FRYL: variants seen among roughly 807,000 people sequenced by gnomAD.
FRYL encodes the protein protein furry homolog-like.
A neutral mutation model predicts 351.2 loss-of-function variants in FRYL; 150 were observed. The ratio of observed to expected loss-of-function variants is 0.43; its 90% CI spans 0.37 to 0.49. The LOEUF is 0.49. FRYL is among the 20% of genes least tolerant of loss of function. The probability of loss-of-function intolerance (pLI) is 0.00; values close to 1 mark genes in which losing one functional copy is unlikely to be tolerated. For missense variants in FRYL, 3,036 were observed against 3,619.3 expected, an observed-to-expected ratio of 0.84 and a Z score of 4.13; for synonymous variants, 1,153 against 1,257.1, an observed-to-expected ratio of 0.92 and a Z score of 1.75.
At chr4:48,646,060 G>A (rs1177474178) in intron 3 of FRYL, 2 of 152,088 alleles carry the variant, frequency 1.3e-5, no homozygotes, top group Admixed American at 1.3e-4. Context: ...CCAAAATCAT[G>A]TAAAGCTTAT....
chr4:48,780,096 C>A lies in FRYL; in HGVS notation c.-402G>T. On this transcript the variant is annotated 5_prime_UTR_variant, in exon 1 of 64. Coordinates refer to ENST00000358350, the MANE Select transcript of FRYL (RefSeq NM_015030.2). ...CACCTACCCGTTCCCAGTCCTAGTA[C>A]AGCTGCCTCGCTCCTCCAGCGCCGC... The A allele has an allele frequency of 6.5e-6, 1 of 154,080 alleles. No homozygotes were observed. The highest frequency in any genetic ancestry group is 1.4e-5 in the Non-Finnish European group (1 of 69,324). The allele number at this position is 154,080 out of a possible 1,614,324, so 9.5% of individuals were successfully genotyped here. A position where few individuals can be genotyped will look rare whatever the true frequency, so the allele number is the denominator to read the frequency against.
chr4:48,651,266 A>G, intron 3 of FRYL, among the ~76,000 whole-genome samples: 1 of 133,122 alleles, frequency 7.5e-6, no homozygotes, highest in African/African-American at 3.0e-5. Flanking sequence ...GTGTAGTGGT[A>G]GAAACAGGAT....
intron 1 of FRYL, among the ~76,000 whole-genome samples, chr4:48,729,224 G>A (rs1770446586): frequency 6.6e-6 from 1 of 152,222 alleles, no homozygotes; most frequent in South Asian, 2.1e-4. Context: ...TGTAAACAAA[G>A]TGGCAAGGAA....
At position 48,522,988 on chromosome 4, in the gene FRYL, C is replaced by G. The variant is rs768839718; in HGVS notation, c.7434G>C (p.Leu2478=). Residue 2478 remains leucine, a synonymous_variant, in exon 54 of 64, where the codon CTG becomes CTC. Coordinates refer to ENST00000358350, the MANE Select transcript of FRYL (RefSeq NM_015030.2). ...CTGTATCCTCCTGATTGGTGAGGTT[C>G]AGGCTGGGGGTGCTACTAGAGCACT... is the stretch of plus-strand genomic sequence containing the variant. ...EYQCSSSTPS[L]NLTNQEDTDE... The G allele has an allele frequency of 4.3e-6, 7 of 1,613,988 alleles. No homozygotes were observed. The highest frequency in any genetic ancestry group is 4.2e-6 in the Non-Finnish European group (5 of 1,179,934).
At chr4:48,674,598 G>A (rs1763249750) in intron 3 of FRYL, among the ~76,000 whole-genome samples, 1 of 151,676 alleles carries the variant, frequency 6.6e-6, no homozygotes, top group Non-Finnish European at 1.5e-5. Context: ...TTAGCCGGGC[G>A]TGGTGGCGGG....
chr4:48,600,764 A>G (rs1025833680), intron 13 of FRYL, among the ~76,000 whole-genome samples: 22 of 152,200 alleles, frequency 1.4e-4, no homozygotes, highest in African/African-American at 4.1e-4. Context: ...TTTGGTCCCT[A>G]TATCTGTACA....
intron 1 of FRYL, among the ~76,000 whole-genome samples, chr4:48,745,452 A>C (rs1177123630): frequency 6.6e-6 from 1 of 152,196 alleles, no homozygotes; most frequent in Admixed American, 6.5e-5. Context: ...TGTCCTTTGT[A>C]GGGACATGGA....
At chr4:48,558,278 G>A (rs1267502998) in intron 33 of FRYL, among the ~76,000 whole-genome samples, 7 of 152,190 alleles carry the variant, frequency 4.6e-5, no homozygotes, top group East Asian at 1.9e-4. Context: ...ATGCCACAAC[G>A]GGGCTGAAGC....
chr4:48,764,530 C>CAAA (rs199626199), intron 1 of FRYL, among the ~76,000 whole-genome samples: 2 of 100,284 alleles, frequency 2.0e-5, no homozygotes, highest in Non-Finnish European at 4.2e-5. Context: ...GACTCTGTTT[C>CAAA]AAAAAAAAAG....
intron 2 of FRYL, among the ~76,000 whole-genome samples, chr4:48,708,622 C>T (rs895203973): frequency 3.3e-5 from 5 of 152,158 alleles, no homozygotes; most frequent in African/African-American, 1.2e-4. Flanking sequence ...AGATTATAAA[C>T]AATCCATTCA....
intron 1 of FRYL, among the ~76,000 whole-genome samples, chr4:48,770,272 T>A (rs1294679302): frequency 6.6e-5 from 10 of 151,194 alleles, no homozygotes; most frequent in South Asian, 4.2e-4. Flanking sequence ...CTTCAAAATT[T>A]AAAAAAAAAT....
chr4:48,718,653 C>T (rs1769135087), intron 1 of FRYL, among the ~76,000 whole-genome samples: 1 of 151,500 alleles, frequency 6.6e-6, no homozygotes, highest in Non-Finnish European at 1.5e-5. Context: ...TCTCTACAGA[C>T]ACCTTCAACT....
Position 48,499,265 on chromosome 4 carries a change from C to T in FRYL, c.*157G>A. ...TAAAATATCAGATGTTTTTTTCTTT[C>T]AGATCTTTGTTTTTGATGATACAGT... On this transcript the variant is annotated 3_prime_UTR_variant, in exon 64 of 64. Transcript: ENST00000358350. 3 of 631,676 alleles carry T rather than the reference C, an allele frequency of 4.7e-6. No individual in the cohort carries two copies. The highest frequency in any genetic ancestry group is 2.1e-5 in the South Asian group (1 of 46,896). The allele number at this position is 631,676 out of a possible 1,614,324, so 39.1% of individuals were successfully genotyped here. A position where few individuals can be genotyped will look rare whatever the true frequency, so the allele number is the denominator to read the frequency against.
intron 2 of FRYL, among the ~76,000 whole-genome samples, chr4:48,704,135 A>G (rs2149580352): frequency 6.6e-6 from 1 of 152,360 alleles, no homozygotes; most frequent in East Asian, 1.9e-4. Flanking sequence ...GCCAGTTGAA[A>G]GCAGAACAGA....
intron 53 of FRYL, among the ~76,000 whole-genome samples, chr4:48,526,478 T>TA: frequency 6.6e-6 from 1 of 152,282 alleles, no homozygotes; most frequent in East Asian, 1.9e-4. Context: ...AATGAGATGT[T>TA]ACAAGAAGTT....
chr4:48,619,423 A>G (rs561872876), intron 6 of FRYL, 53 bp from the exon 7 acceptor site: 1 of 984,504 alleles, frequency 1.0e-6, no homozygotes, highest in East Asian at 2.6e-5. Flanking sequence ...CTTTAAAAAT[A>G]CCTGTTAGTT....
chr4:48,758,028 A>T (rs959238226), intron 1 of FRYL, among the ~76,000 whole-genome samples: 2 of 152,134 alleles, frequency 1.3e-5, no homozygotes, highest in African/African-American at 4.8e-5. Context: ...AAACTGGCTA[A>T]CCATATGTAG....
chr4:48,505,396 G>A, intron 60 of FRYL, 151 bp downstream of exon 60: 1 of 658,306 alleles, frequency 1.5e-6, no homozygotes, highest in East Asian at 2.8e-5. Context: ...ATTTCATTGA[G>A]CTTTTACAAA....
chr4:48,506,926 T>C (rs1402712722), intron 59 of FRYL, among the ~76,000 whole-genome samples: 2 of 152,066 alleles, frequency 1.3e-5, no homozygotes, highest in Non-Finnish European at 2.9e-5. Flanking sequence ...TAAGCTTTTC[T>C]AGTGAGATAC....
Sources: allele counts gnomAD v4.1 joint callset (sites outside exome capture counted in the v4.1 genomes callset), GRCh38; gene constraint gnomAD v4.1.1; transcripts MANE v1.5; gene names NCBI Gene and HGNC (gene_info 2026-07-23, HGNC 2026-07-21).